Variants in ZDHHC7 observed in about 807,000 individuals in gnomAD.
The protein encoded by ZDHHC7 is palmitoyltransferase ZDHHC7.
ZDHHC7 carries 12 observed loss-of-function variants against 34.1 expected under a neutral mutation model. The ratio of observed to expected loss-of-function variants is 0.35; its 90% CI spans 0.23 to 0.57. The LOEUF is 0.57. ZDHHC7 is among the 20% of genes least tolerant of loss of function. ZDHHC7 has a pLI of 0.84. For missense variants in ZDHHC7, 388 were observed against 402.7 expected (o/e 0.96, Z 0.31); for synonymous variants, 185 against 155.4 (o/e 1.19, Z -1.42).
At chr16:84,984,800 G>T (rs2072415836) in intron 3 of ZDHHC7, among the ~76,000 whole-genome samples, 1 of 152,098 alleles carries the variant, frequency 6.6e-6, no homozygotes, top group Admixed American at 6.6e-5. Context: ...GAGGCCCCGA[G>T]TCTATCACCT....
rs576488794 is a variant in ZDHHC7 at position 84,985,438 on chromosome 16, T to A, written c.316-3444A>T. ...ATGGGGCCGGGCCTGTGGATCTGCC[T>A]CCTAATTTATGGAAAATGCTGGGGA... is the stretch of plus-strand genomic sequence containing the variant. On this transcript the variant is annotated intron_variant, in intron 3 of 7. Transcript: ENST00000313732. Among the ~76,000 whole-genome samples the A allele has an allele frequency of 1.2e-4, 18 of 152,308 alleles. No individual in the cohort carries two copies. The South Asian group carries it at 3.5e-3, about 30-fold the overall frequency.
In ZDHHC7 at chr16:85,003,860, G is replaced by A. The variant is rs2072683021; in HGVS notation, c.-104+7426C>T. Among the ~76,000 whole-genome samples, 5 of 152,058 alleles carry A rather than the reference G, an allele frequency of 3.3e-5. No individual in the cohort carries two copies. The South Asian group carries it at 1.0e-3, about 32-fold the overall frequency. ...ACCAGTCTCAGGAGTGAGGGGCCTG[G>A]GGGACAACACTGACTTCCCTTCCCC... On this transcript the variant is annotated intron_variant, in intron 1 of 7. Transcript: ENST00000313732.
chr16:84,974,923 C>T lies in ZDHHC7; in HGVS notation c.*1420G>A, dbSNP rs1245688189. 6.6e-6 allele frequency: 1 copy of T among 152,668 alleles called. No individual in the cohort carries two copies. Among genetic ancestry groups the T allele is most frequent in the Non-Finnish European group, 1.5e-5 (1 of 68,062 alleles). 9.5% of individuals were successfully genotyped at this position (152,668 alleles called of 1,614,324 possible). ...GAGTAATTAAAAACAAAAAACAGTT[C>T]ACAGATGAACAGAAAGGCAAAACAA... On this transcript the variant is annotated 3_prime_UTR_variant, in exon 8 of 8. Transcript: ENST00000313732.
intron 4 of ZDHHC7, 97 bp downstream of exon 4, chr16:84,981,773 C>T: frequency 6.3e-7 from 1 of 1,596,356 alleles, no homozygotes; most frequent in Non-Finnish European, 8.6e-7. Context: ...GCTCGGGGGC[C>T]ATGTACCTAC....
intron 3 of ZDHHC7, among the ~76,000 whole-genome samples, chr16:84,984,906 G>A (rs944688638): frequency 6.6e-6 from 1 of 152,156 alleles, no homozygotes; most frequent in East Asian, 1.9e-4. Flanking sequence ...AAAGGGCCTC[G>A]CCAGGATGTG....
chr16:84,978,066 C>T, intron 5 of ZDHHC7, 61 bp from the exon 6 acceptor site: 1 of 1,361,984 alleles, frequency 7.3e-7, no homozygotes, highest in Non-Finnish European at 1.0e-6. Context: ...GAAACAGAGT[C>T]TCCCTCTGTT....
upstream of ZDHHC7, among the ~76,000 whole-genome samples, chr16:85,013,324 C>A (rs187714521): frequency 6.6e-6 from 1 of 152,140 alleles, no homozygotes; most frequent in East Asian, 1.9e-4. Flanking sequence ...CTCACTGTAA[C>A]CTCCACTTCC....
rs112464014 is a variant in ZDHHC7, at chr16:84,992,291, A to T, written c.-17-1656T>A. 2.5e-3 allele frequency among the ~76,000 whole-genome samples: 381 copies of T among 151,682 alleles called. 1 individual carries two copies. Among genetic ancestry groups the T allele is most frequent in the African/African-American group, 8.4e-3 (346 of 41,262 alleles). ...AAGACCAGCCTGGCCAAGCTGGTGAAACCCGTCTCTACTAAAAATATAAAA... is the reference window on the plus strand; with the variant it reads ...AAGACCAGCCTGGCCAAGCTGGTGATACCCGTCTCTACTAAAAATATAAAA... On this transcript the variant is annotated intron_variant, in intron 2 of 7. Transcript: ENST00000313732.
chr16:85,016,481 G>C (rs1488806870), upstream of ZDHHC7, among the ~76,000 whole-genome samples: 1 of 152,124 alleles, frequency 6.6e-6, no homozygotes, highest in Admixed American at 6.5e-5. Flanking sequence ...AGAGAGACAA[G>C]GTCTTGCTCT....
the ZDHHC7 span, among the ~76,000 whole-genome samples, chr16:85,022,240 G>A: frequency 6.6e-6 from 1 of 151,248 alleles, no homozygotes; most frequent in Non-Finnish European, 1.5e-5. Context: ...AGAAAACTCA[G>A]CCAGGCACAG....
the ZDHHC7 span, among the ~76,000 whole-genome samples, chr16:85,017,312 A>G: frequency 2.0e-5 from 3 of 152,188 alleles, no homozygotes; most frequent in African/African-American, 7.2e-5. Context: ...AACCACAATG[A>G]AATAGTATCC....
chr16:85,024,230 G>GTTTTTTTTTTTT, the ZDHHC7 span, among the ~76,000 whole-genome samples: 1 of 108,730 alleles, frequency 9.2e-6, no homozygotes, highest in Non-Finnish European at 1.8e-5. Flanking sequence ...AGAGTTTTTT[G>GTTTTTTTTTTTT]TTTTTTTTTT....
rs918611341 is a variant in ZDHHC7 at position 84,982,150 on chromosome 16, C to T, written c.316-156G>A. On this transcript the variant is annotated intron_variant, in intron 3 of 7. Coordinates refer to ENST00000313732, the MANE Select transcript of ZDHHC7 (RefSeq NM_017740.3). ...TTCAAGACCAGCCTGGCCAACCCAG[C>T]CTGGTCAACATGGTGAAACCCCGTC... The T allele has an allele frequency of 5.9e-5, 51 of 860,866 alleles. No homozygotes were observed. In the East Asian group the frequency reaches 1.5e-3, roughly 25 times the overall value. 53.3% of individuals were successfully genotyped at this position (860,866 alleles called of 1,614,324 possible).
chr16:85,017,983 C>T, the ZDHHC7 span, among the ~76,000 whole-genome samples: 2 of 152,108 alleles, frequency 1.3e-5, no homozygotes, highest in African/African-American at 4.8e-5. Context: ...TTACATCAAA[C>T]CTGGGTGTTC....
intron 1 of ZDHHC7, among the ~76,000 whole-genome samples, chr16:84,997,090 A>G (rs959712336): frequency 3.9e-5 from 6 of 151,990 alleles, no homozygotes; most frequent in African/African-American, 1.5e-4. Flanking sequence ...AATGAAGGGT[A>G]AGAGTCCAGA....
upstream of ZDHHC7, among the ~76,000 whole-genome samples, chr16:85,014,705 A>C (rs1013037690): frequency 6.6e-6 from 1 of 152,178 alleles, no homozygotes; most frequent in Non-Finnish European, 1.5e-5. Context: ...AAAGAGACAA[A>C]CTCTGTGAAA....
the ZDHHC7 span, among the ~76,000 whole-genome samples, chr16:85,020,832 C>T: frequency 2.6e-5 from 4 of 152,144 alleles, no homozygotes; most frequent in African/African-American, 9.7e-5. Flanking sequence ...AGGCCAGGCA[C>T]AGAAGCTCAC....
chr16:85,020,848 T>C, the ZDHHC7 span, among the ~76,000 whole-genome samples: 1 of 152,134 alleles, frequency 6.6e-6, no homozygotes, highest in Non-Finnish European at 1.5e-5. Context: ...CTCACATCTG[T>C]AATCCCAGCA....
chr16:84,978,836 T>A (rs1431968248), intron 5 of ZDHHC7, among the ~76,000 whole-genome samples: 1 of 138,260 alleles, frequency 7.2e-6, no homozygotes, highest in Non-Finnish European at 1.5e-5. Flanking sequence ...CACTCCAGCC[T>A]GGGCAACAAG....
Sources: gnomAD v4.1 joint callset for allele counts (sites outside exome capture counted in the v4.1 genomes callset) on GRCh38, gnomAD v4.1.1 for gene constraint, MANE v1.5 for transcripts, NCBI Gene and HGNC (gene_info 2026-07-23, HGNC 2026-07-21) for gene names.